MTUS2: variants seen among roughly 807,000 people sequenced by gnomAD.
MTUS2 encodes the protein microtubule-associated tumor suppressor candidate 2.
A neutral mutation model predicts 114.1 loss-of-function variants in MTUS2; 40 were observed. That is an observed-to-expected ratio of 0.35 (90% CI 0.27 to 0.46). MTUS2 has a LOEUF of 0.46. Among genes scored for constraint, MTUS2 ranks in the 20% least tolerant of loss-of-function variants. The pLI is 1.00. For synonymous variants in MTUS2, 688 were observed against 672.0 expected (o/e 1.02, Z -0.37); for missense variants, 1,679 against 1,705.4 (o/e 0.98, Z 0.27).
At chr13:29,483,233 A>T (rs1198486361) in intron 10 of MTUS2, among the ~76,000 whole-genome samples, 1 of 152,254 alleles carries the variant, frequency 6.6e-6, no homozygotes, top group Non-Finnish European at 1.5e-5. Flanking sequence ...CAGCAGGGGC[A>T]GGTGCTGCTT....
intron 2 of MTUS2, among the ~76,000 whole-genome samples, chr13:28,942,177 G>C (rs1427744994): frequency 6.6e-6 from 1 of 152,060 alleles, no homozygotes; most frequent in Non-Finnish European, 1.5e-5. Flanking sequence ...ATCAGCAAAA[G>C]AGTTGACATG....
At position 28,871,973 on chromosome 13, in the gene MTUS2, G is replaced by A. The variant is rs372388109; in HGVS notation, c.-243+32123G>A. Among the ~76,000 whole-genome samples, 6 of 152,190 alleles carry A rather than the reference G, an allele frequency of 3.9e-5. No homozygotes were observed. In the East Asian group the frequency reaches 5.8e-4, roughly 15 times the overall value. On this transcript the variant is annotated intron_variant, in intron 2 of 15. Transcript: ENST00000612955. ...GGAGGAGGCCGAGAGGGAGGCAGGA[G>A]GCAGATCACAATGGCTTGGGACCTC...
At chr13:29,186,754 C>T (rs1894241738) in intron 5 of MTUS2, among the ~76,000 whole-genome samples, 1 of 152,166 alleles carries the variant, frequency 6.6e-6, no homozygotes, top group South Asian at 2.1e-4. Context: ...TTTAGCAATA[C>T]TATAAATCAA....
intron 2 of MTUS2, among the ~76,000 whole-genome samples, chr13:29,009,604 T>C (rs1195398976): frequency 1.3e-5 from 2 of 152,132 alleles, no homozygotes; most frequent in Non-Finnish European, 2.9e-5. Context: ...ATGAGAGAAG[T>C]TTTTGGGGTT....
At chr13:29,380,335 A>G (rs1272574039) in intron 8 of MTUS2, among the ~76,000 whole-genome samples, 2 of 152,240 alleles carry the variant, frequency 1.3e-5, no homozygotes, top group Admixed American at 6.5e-5. Context: ...ATAGTTTCAG[A>G]CTGTAAACTC....
intron 2 of MTUS2, among the ~76,000 whole-genome samples, chr13:28,894,104 C>G (rs938554128): frequency 6.6e-6 from 1 of 151,508 alleles, no homozygotes; most frequent in South Asian, 2.1e-4. Context: ...CTGCTATGGA[C>G]TGAATTGTGT....
intron 2 of MTUS2, among the ~76,000 whole-genome samples, chr13:28,927,121 C>T (rs182859704): frequency 1.5e-4 from 23 of 152,226 alleles, no homozygotes; most frequent in African/African-American, 4.6e-4. Context: ...TCTACTTAAA[C>T]GTACAGTGTG....
At chr13:29,410,125 T>A (rs1335957193) in intron 8 of MTUS2, among the ~76,000 whole-genome samples, 1 of 27,466 alleles carries the variant, frequency 3.6e-5, no homozygotes, top group South Asian at 3.2e-3. Flanking sequence ...TATGCTGTTG[T>A]ACTTTTTTTT....
intron 2 of MTUS2, among the ~76,000 whole-genome samples, chr13:28,895,805 A>C (rs918187183): frequency 6.6e-6 from 1 of 152,210 alleles, no homozygotes; most frequent in East Asian, 1.9e-4. Flanking sequence ...GTTAAATACA[A>C]TGCAGAATTC....
At chr13:29,337,376 A>G (rs1046377959) in intron 7 of MTUS2, among the ~76,000 whole-genome samples, 6 of 152,010 alleles carry the variant, frequency 3.9e-5, no homozygotes, top group Admixed American at 3.3e-4. Flanking sequence ...ACAGTCCCTC[A>G]TGGCTTCTGT....
At chr13:28,860,842 G>A (rs761845204) in intron 2 of MTUS2, among the ~76,000 whole-genome samples, 8 of 152,190 alleles carry the variant, frequency 5.3e-5, no homozygotes, top group African/African-American at 1.7e-4. Flanking sequence ...TATGTCCCTC[G>A]TTTTGCATTG....
chr13:29,434,644 C>T (rs1318433184), intron 8 of MTUS2, among the ~76,000 whole-genome samples: 2 of 152,158 alleles, frequency 1.3e-5, no homozygotes, highest in Non-Finnish European at 2.9e-5. Flanking sequence ...GTGGCTGATG[C>T]CCAAGCAGAG....
At chr13:28,863,735 T>C (rs536587652) in intron 2 of MTUS2, among the ~76,000 whole-genome samples, 1 of 152,374 alleles carries the variant, frequency 6.6e-6, no homozygotes, top group Non-Finnish European at 1.5e-5. Context: ...TCTCACTCTG[T>C]CACCCAGACT....
In MTUS2 at chr13:29,480,814, G is replaced by T. The variant is rs150307738; in HGVS notation, c.3399+450G>T. On this transcript the variant is annotated intron_variant, in intron 10 of 15. Transcript: ENST00000612955. This position sits in a 1 kb window ranked among gnomAD's most constrained non-coding sequence, Gnocchi z 4.4. Reference sequence around the variant, plus strand: ...TATTTATCATCTTTCTATTCCATGAGGGCAGAGAGAATAACAAGCAAACAT... The same window carrying T: ...TATTTATCATCTTTCTATTCCATGATGGCAGAGAGAATAACAAGCAAACAT... Among the ~76,000 whole-genome samples the T allele has an allele frequency of 9.5e-3, 1,445 of 151,916 alleles. 25 individuals are homozygous for T. The highest frequency in any genetic ancestry group is 0.034 in the African/African-American group (1,387 of 41,394).
At chr13:29,369,061 A>G (rs958922247) in intron 8 of MTUS2, among the ~76,000 whole-genome samples, 4 of 152,166 alleles carry the variant, frequency 2.6e-5, no homozygotes, top group Non-Finnish European at 4.4e-5. Flanking sequence ...GTGATTTACA[A>G]TACCAGGAAC....
At chr13:29,193,951 A>T (rs966003745) in intron 5 of MTUS2, among the ~76,000 whole-genome samples, 2 of 152,010 alleles carry the variant, frequency 1.3e-5, no homozygotes, top group African/African-American at 4.8e-5. Context: ...ATATCTACAA[A>T]TATCTGATCT....
At chr13:29,261,210 A>G (rs191893758) in intron 5 of MTUS2, among the ~76,000 whole-genome samples, 7 of 152,288 alleles carry the variant, frequency 4.6e-5, no homozygotes, top group African/African-American at 1.7e-4. Context: ...TATGCGGTCT[A>G]TTTCCTAGGA....
chr13:29,092,756 C>CCA (rs377199524), intron 4 of MTUS2, among the ~76,000 whole-genome samples: 45,465 of 151,620 alleles, frequency 0.3, 7,172 homozygotes, highest in East Asian at 0.6. Flanking sequence ...AGGTCTCTGG[C>CCA]TGGCAAAGTG....
chr13:28,875,060 G>T (rs1877850268), intron 2 of MTUS2, among the ~76,000 whole-genome samples: 1 of 152,204 alleles, frequency 6.6e-6, no homozygotes, highest in African/African-American at 2.4e-5. Context: ...GCACCAGCTA[G>T]CACAGTACTT....
Sources: allele counts gnomAD v4.1 joint callset (sites outside exome capture counted in the v4.1 genomes callset), GRCh38; gene constraint gnomAD v4.1.1; non-coding constraint Gnocchi (gnomAD v3.1); transcripts MANE v1.5; gene names NCBI Gene and HGNC (gene_info 2026-07-23, HGNC 2026-07-21).